RGS17: variants seen among roughly 807,000 people sequenced by gnomAD.
RGS17 encodes regulator of G-protein signaling 17.
Under a neutral mutation model 25.5 loss-of-function variants are expected in RGS17, and 12 were observed. The observed-to-expected ratio is 0.47, with a 90% CI of 0.30 to 0.76. The LOEUF (loss-of-function observed/expected upper bound fraction) is 0.76, where lower values mean the gene tolerates loss of function less well. RGS17 is among the 30% of genes least tolerant of loss of function. The pLI is 0.07. For missense variants in RGS17, 196 were observed against 242.2 expected, an observed-to-expected ratio of 0.81 and a Z score of 1.27; for synonymous variants, 71 against 76.9, an observed-to-expected ratio of 0.92 and a Z score of 0.40.
At chr6:153,127,344 T>C (rs1054743633) in intron 1 of RGS17, among the ~76,000 whole-genome samples, 1 of 152,180 alleles carries the variant, frequency 6.6e-6, no homozygotes, top group Admixed American at 6.5e-5. Context: ...ATAAAGCAAA[T>C]AAACTTGTGG....
intron 1 of RGS17, among the ~76,000 whole-genome samples, chr6:153,111,380 T>C (rs753617546): frequency 6.6e-6 from 1 of 152,214 alleles, no homozygotes; most frequent in Admixed American, 6.5e-5. Context: ...GTAGCCAGAC[T>C]GCCTCTCTAG....
intron 2 of RGS17, among the ~76,000 whole-genome samples, chr6:153,026,745 T>C (rs1209586977): frequency 6.6e-6 from 1 of 152,188 alleles, no homozygotes; most frequent in Non-Finnish European, 1.5e-5. Flanking sequence ...AATAAAATTA[T>C]ATAGTAAATC....
At chr6:153,086,963 T>G (rs1214125791) in intron 1 of RGS17, among the ~76,000 whole-genome samples, 1 of 152,148 alleles carries the variant, frequency 6.6e-6, no homozygotes, top group East Asian at 1.9e-4. Context: ...GTATTTGAAT[T>G]AAGTAAGTTT....
At chr6:153,026,738 A>C (rs570002216) in intron 2 of RGS17, among the ~76,000 whole-genome samples, 195 bp from the exon 3 acceptor site, 146 of 152,346 alleles carry the variant, frequency 9.6e-4, no homozygotes, top group Non-Finnish European at 1.9e-3. Context: ...ATTTTTAAAT[A>C]AAATTATATA....
chr6:153,061,258 T>C (rs1278727886), intron 1 of RGS17, among the ~76,000 whole-genome samples: 1 of 152,196 alleles, frequency 6.6e-6, no homozygotes, highest in Non-Finnish European at 1.5e-5. Context: ...TTGTCAGAAA[T>C]ACTGCATGGT....
At position 153,130,236 on chromosome 6, in the gene RGS17, C is replaced by T. The variant is rs921498555; in HGVS notation, c.-26+888G>A. On this transcript the variant is annotated intron_variant, in intron 1 of 4. Coordinates refer to ENST00000206262, the MANE Select transcript of RGS17 (RefSeq NM_012419.5). This position sits in a 1 kb window ranked among gnomAD's most constrained non-coding sequence, Gnocchi z 6.4. Reference sequence around the variant, plus strand: ...CACTCGATGAGGGACAGCAGGGAGGCTGGCGGGGAGGCAGAGATTAAACTA... The same window carrying T: ...CACTCGATGAGGGACAGCAGGGAGGTTGGCGGGGAGGCAGAGATTAAACTA... Among the ~76,000 whole-genome samples, 1 of 152,176 alleles carries T rather than the reference C, an allele frequency of 6.6e-6. No homozygotes were observed. The highest frequency in any genetic ancestry group is 6.5e-5 in the Admixed American group (1 of 15,278).
chr6:153,081,590 C>G (rs1005802152), intron 1 of RGS17, among the ~76,000 whole-genome samples: 9 of 150,894 alleles, frequency 6.0e-5, no homozygotes, highest in Admixed American at 1.3e-4. Flanking sequence ...AGTCTACCAC[C>G]TTGCCATTTA....
rs1779131547 is a variant in RGS17 at position 153,011,429 on chromosome 6, T to G, written c.*145A>C. ...TAACCATGGAAAACCTTGATAAAAA[T>G]GGAGACAAAGACCATAACGGTTGTG... On this transcript the variant is annotated 3_prime_UTR_variant, in exon 5 of 5. Coordinates refer to ENST00000206262, the MANE Select transcript of RGS17 (RefSeq NM_012419.5). 3.3e-6 allele frequency: 2 copies of G among 600,034 alleles called. No homozygotes were observed. Among genetic ancestry groups the G allele is most frequent in the Non-Finnish European group, 5.8e-6 (2 of 343,060 alleles). 37.2% of individuals were successfully genotyped at this position (600,034 alleles called of 1,614,324 possible).
intron 4 of RGS17, 38 bp from the exon 5 acceptor site, chr6:153,011,800 T>C (rs753118610): frequency 8.1e-7 from 1 of 1,240,006 alleles, no homozygotes; most frequent in Non-Finnish European, 1.1e-6. Context: ...AAATAATATT[T>C]TTTTCAAAAG....
At chr6:153,078,646 A>C (rs1019245714) in intron 1 of RGS17, among the ~76,000 whole-genome samples, 4 of 151,964 alleles carry the variant, frequency 2.6e-5, no homozygotes, top group South Asian at 4.1e-4. Flanking sequence ...TAATCATAAA[A>C]CTTTCTGGCT....
Position 153,004,720 on chromosome 6 carries a change from G to GATTCTAGGA in RGS17, c.*6845_*6853dup. Reference sequence around the variant, plus strand: ...TGTACATAGGTAAAATGATAAAATTGATTCTAGGAAGGGGGAAAAAAAAAC... The same window carrying GATTCTAGGA: ...TGTACATAGGTAAAATGATAAAATTGATTCTAGGAATTCTAGGAAGGGGGAAAAAAAAAC... On this transcript the variant is annotated 3_prime_UTR_variant, in exon 5 of 5. Coordinates refer to ENST00000206262, the MANE Select transcript of RGS17 (RefSeq NM_012419.5). 1 of 152,044 alleles carries GATTCTAGGA rather than the reference G, an allele frequency of 6.6e-6. No individual in the cohort carries two copies. Among genetic ancestry groups the GATTCTAGGA allele is most frequent in the Non-Finnish European group, 1.5e-5 (1 of 67,940 alleles). The allele number at this position is 152,044 out of a possible 1,614,324, so 9.4% of individuals were successfully genotyped here.
At chr6:153,051,548 C>T (rs1017371805) in intron 1 of RGS17, among the ~76,000 whole-genome samples, 7 of 152,126 alleles carry the variant, frequency 4.6e-5, no homozygotes, top group Admixed American at 2.0e-4. Context: ...TATTAAGCGG[C>T]CAACAACTTG....
At chr6:153,116,540 G>A (rs988453315) in intron 1 of RGS17, among the ~76,000 whole-genome samples, 5 of 152,172 alleles carry the variant, frequency 3.3e-5, no homozygotes, top group African/African-American at 4.8e-5. Flanking sequence ...ACTAGGACCA[G>A]AAATACCATT....
intron 1 of RGS17, among the ~76,000 whole-genome samples, chr6:153,045,863 T>C (rs1044858876): frequency 2.6e-5 from 4 of 152,172 alleles, no homozygotes; most frequent in African/African-American, 9.6e-5. Context: ...CTTTTCCAAT[T>C]TGGATGCCTT....
In RGS17 at chr6:153,053,959, T is replaced by TA. The variant is rs1372545871; in HGVS notation, c.-25-9917dup. 1.2e-3 allele frequency among the ~76,000 whole-genome samples: 27 copies of TA among 21,860 alleles called. 1 individual carries two copies. Among genetic ancestry groups the TA allele is most frequent in the African/African-American group, 2.0e-3 (3 of 1,528 alleles). The allele number at this position is 21,860 out of a possible 152,430, so 14.3% of individuals were successfully genotyped here. ...TGTATATATAATATATATACATATA[T>TA]ATTATATACATATATATGTATATAT... On this transcript the variant is annotated intron_variant, in intron 1 of 4. Coordinates refer to ENST00000206262, the MANE Select transcript of RGS17 (RefSeq NM_012419.5).
At chr6:153,085,776 A>G (rs1023477944) in intron 1 of RGS17, among the ~76,000 whole-genome samples, 6 of 152,254 alleles carry the variant, frequency 3.9e-5, no homozygotes, top group African/African-American at 1.4e-4. Context: ...TCTTTAACAA[A>G]TCCATTAAGT....
chr6:153,024,346 T>C lies in RGS17; in HGVS notation c.360A>G (p.Leu120=). 1.2e-6 allele frequency: 2 copies of C among 1,614,162 alleles called. No individual in the cohort carries two copies. Among genetic ancestry groups the C allele is most frequent in the Non-Finnish European group, 1.7e-6 (2 of 1,179,996 alleles). Residue 120 remains leucine, a synonymous_variant, in exon 4 of 5, where the codon TTA becomes TTG. Transcript: ENST00000206262. ...TTACTTTTTTGTTCTGCTCCTTCTT[T>C]AAGTCTTCACAAGCAAGCCAGAAAA... ...NLLFWLACED[L]KKEQNKKVIE...
chr6:153,034,736 T>C (rs980236592), intron 2 of RGS17, among the ~76,000 whole-genome samples: 1 of 152,186 alleles, frequency 6.6e-6, no homozygotes, highest in Non-Finnish European at 1.5e-5. Flanking sequence ...AGACATGCCA[T>C]TAGAATTTGC....
rs1195116141 is a variant in RGS17 at position 153,004,927 on chromosome 6, TTAAG to T, written c.*6643_*6646del. On this transcript the variant is annotated 3_prime_UTR_variant, in exon 5 of 5. Transcript: ENST00000206262. The stretch of plus-strand genomic sequence containing the variant: ...GTGGAGTACAATATATGGATATAGA[TTAAG>T]TGTGATGAACATGGTAGTAAAAAAT... 6.6e-6 allele frequency: 1 copy of T among 152,166 alleles called. No homozygotes were observed. The highest frequency in any genetic ancestry group is 1.5e-5 in the Non-Finnish European group (1 of 68,008). 9.4% of individuals were successfully genotyped at this position (152,166 alleles called of 1,614,324 possible). A position where few individuals can be genotyped will look rare whatever the true frequency, so the allele number is the denominator to read the frequency against.
Sources: allele counts gnomAD v4.1 joint callset (sites outside exome capture counted in the v4.1 genomes callset), GRCh38; gene constraint gnomAD v4.1.1; non-coding constraint Gnocchi (gnomAD v3.1); transcripts MANE v1.5; gene names NCBI Gene and HGNC (gene_info 2026-07-23, HGNC 2026-07-21).